SLC24A2: variants seen among roughly 807,000 people sequenced by gnomAD.
SLC24A2 encodes the protein solute carrier family 24 member 2.
Under a neutral mutation model 62.0 loss-of-function variants are expected in SLC24A2, and 36 were observed. The ratio of observed to expected loss-of-function variants is 0.58; its 90% CI spans 0.44 to 0.77. The LOEUF (loss-of-function observed/expected upper bound fraction) is 0.77. SLC24A2 is among the 30% of genes least tolerant of loss of function. SLC24A2 has a pLI of 0.00. For synonymous variants in SLC24A2, 358 were observed against 294.0 expected (o/e 1.22, Z -2.23); for missense variants, 846 against 817.9 (o/e 1.03, Z -0.42).
At chr9:19,614,244 G>A (rs866760881) in intron 4 of SLC24A2, among the ~76,000 whole-genome samples, 1 of 152,164 alleles carries the variant, frequency 6.6e-6, no homozygotes, top group African/African-American at 2.4e-5. Context: ...AATAATTCTA[G>A]TTCCCCAAGG....
chr9:20,275,918 G>A, the SLC24A2 span, among the ~76,000 whole-genome samples: 463 of 152,178 alleles, frequency 3.0e-3, 1 homozygote, highest in African/African-American at 9.1e-3. Flanking sequence ...TCACTATCGT[G>A]AGAACAGCAT....
chr9:19,936,006 A>C, the SLC24A2 span, among the ~76,000 whole-genome samples: 10 of 152,298 alleles, frequency 6.6e-5, no homozygotes, highest in African/African-American at 2.4e-4. Context: ...TTAATCACAA[A>C]GAGTTTTGAA....
the SLC24A2 span, among the ~76,000 whole-genome samples, chr9:20,128,588 G>A: frequency 6.6e-6 from 1 of 152,010 alleles, no homozygotes; most frequent in South Asian, 2.1e-4. Context: ...TTTTCCCCAG[G>A]ATCTCAGAAT....
At chr9:19,845,414 G>A in the SLC24A2 span, among the ~76,000 whole-genome samples, 408 of 152,148 alleles carry the variant, frequency 2.7e-3, 4 homozygotes, top group African/African-American at 9.4e-3. Flanking sequence ...GGAGCCTTTC[G>A]GCAGAGTCTT....
intron 8 of SLC24A2, 148 bp from the exon 9 acceptor site, chr9:19,528,286 C>T (rs1335738627): frequency 1.4e-6 from 1 of 691,582 alleles, no homozygotes; most frequent in Non-Finnish European, 2.6e-6. Flanking sequence ...CTACTCACTC[C>T]TGATCAAGCT....
intron 2 of SLC24A2, among the ~76,000 whole-genome samples, chr9:19,776,228 T>C (rs9792592): frequency 0.053 from 8,045 of 152,254 alleles, 692 homozygotes; most frequent in East Asian, 0.42. Flanking sequence ...ATCTGTATTT[T>C]TAAGTGCCCA....
At chr9:20,041,208 G>GAA in the SLC24A2 span, among the ~76,000 whole-genome samples, 1 of 150,552 alleles carries the variant, frequency 6.6e-6, no homozygotes, top group Admixed American at 6.6e-5. Flanking sequence ...AAGAAAGAGA[G>GAA]ATAGGGAGGT....
chr9:20,167,067 A>G, the SLC24A2 span, among the ~76,000 whole-genome samples: 1 of 151,956 alleles, frequency 6.6e-6, no homozygotes, highest in Non-Finnish European at 1.5e-5. Flanking sequence ...TATACACATC[A>G]GCCTCCCAAA....
intron 2 of SLC24A2, among the ~76,000 whole-genome samples, chr9:19,649,580 T>C (rs1192285029): frequency 6.6e-6 from 1 of 152,130 alleles, no homozygotes; most frequent in Non-Finnish European, 1.5e-5. Flanking sequence ...ACACTGACAT[T>C]TGGAGAGAGT....
chr9:20,043,902 T>C, the SLC24A2 span, among the ~76,000 whole-genome samples: 1 of 152,226 alleles, frequency 6.6e-6, no homozygotes, highest in African/African-American at 2.4e-5. Flanking sequence ...GGTAAAATGC[T>C]ATCAAACAGT....
At chr9:20,241,996 A>G in the SLC24A2 span, among the ~76,000 whole-genome samples, 1 of 152,162 alleles carries the variant, frequency 6.6e-6, no homozygotes, top group Non-Finnish European at 1.5e-5. Context: ...TTGAAATTCT[A>G]ATGACCTGCC....
chr9:19,629,753 T>C (rs1350702848), intron 2 of SLC24A2, among the ~76,000 whole-genome samples: 1 of 152,192 alleles, frequency 6.6e-6, no homozygotes, highest in East Asian at 1.9e-4. Context: ...GTGGGCTCAG[T>C]CTTTGATTTA....
chr9:20,118,828 C>T, the SLC24A2 span, among the ~76,000 whole-genome samples: 1 of 151,964 alleles, frequency 6.6e-6, no homozygotes, highest in Non-Finnish European at 1.5e-5. Context: ...GTGTTCATGC[C>T]CTGATATCAT....
the SLC24A2 span, among the ~76,000 whole-genome samples, chr9:20,284,256 A>C: frequency 6.6e-6 from 1 of 150,530 alleles, no homozygotes; most frequent in Non-Finnish European, 1.5e-5. Context: ...TTGTTTGTCT[A>C]TATAATTCAA....
the SLC24A2 span, among the ~76,000 whole-genome samples, chr9:19,917,065 G>C: frequency 9.8e-6 from 1 of 102,258 alleles, no homozygotes; most frequent in Non-Finnish European, 1.9e-5. Flanking sequence ...GATTTTCCTT[G>C]AAATTATATC....
chr9:19,874,075 CTT>C, the SLC24A2 span, among the ~76,000 whole-genome samples: 7,556 of 107,036 alleles, frequency 0.071, 154 homozygotes, highest in African/African-American at 0.079. Context: ...CTTTTCTTTT[CTT>C]TTTTTTTTTT....
intron 9 of SLC24A2, among the ~76,000 whole-genome samples, chr9:19,521,950 G>T (rs147730518): frequency 6.7e-6 from 1 of 150,222 alleles, no homozygotes; most frequent in Non-Finnish European, 1.5e-5. Context: ...CTAGCCTCAC[G>T]TGGAAGCTCC....
the SLC24A2 span, among the ~76,000 whole-genome samples, chr9:19,855,073 T>C: frequency 6.6e-6 from 1 of 152,218 alleles, no homozygotes; most frequent in African/African-American, 2.4e-5. Context: ...TAATCTTTGT[T>C]GGTTTAAAGT....
intron 2 of SLC24A2, among the ~76,000 whole-genome samples, chr9:19,644,013 T>C (rs1818574115): frequency 6.6e-6 from 1 of 152,256 alleles, no homozygotes. Flanking sequence ...ACTTGAGTCA[T>C]TGTGAATAAT....
Sources: allele counts gnomAD v4.1 joint callset (sites outside exome capture counted in the v4.1 genomes callset), GRCh38; gene constraint gnomAD v4.1.1; transcripts MANE v1.5; gene names NCBI Gene and HGNC (gene_info 2026-07-23, HGNC 2026-07-21).